The following PPP6R2 variants were observed in gnomAD, a reference collection of about 807,000 sequenced individuals.
The protein encoded by PPP6R2 is protein phosphatase 6 regulatory subunit 2.
A neutral mutation model predicts 100.2 loss-of-function variants in PPP6R2; 62 were observed. The observed-to-expected ratio is 0.62, with a 90% CI of 0.50 to 0.76. The LOEUF (loss-of-function observed/expected upper bound fraction) is 0.76. PPP6R2 is among the 30% of genes least tolerant of loss of function. PPP6R2 has a pLI of 0.00. For synonymous variants in PPP6R2, 525 were observed against 514.7 expected, an observed-to-expected ratio of 1.02 and a Z score of -0.27; for missense variants, 1,142 against 1,276.3, an observed-to-expected ratio of 0.89 and a Z score of 1.60.
chr22:50,419,035 G>A (rs1440996991), intron 7 of PPP6R2, 56 bp downstream of exon 7: 13 of 1,371,172 alleles, frequency 9.5e-6, no homozygotes, highest in Admixed American at 1.7e-5. Context: ...TCATGGGGAC[G>A]TCTGTGAGCC....
Position 50,422,975 on chromosome 22 carries a change from G to T in PPP6R2, c.973-487G>T, listed in dbSNP as rs144885278. Among the ~76,000 whole-genome samples the T allele has an allele frequency of 2.0e-5, 3 of 152,318 alleles. No homozygotes were observed. The East Asian group carries it at 5.8e-4, about 29-fold the overall frequency. On this transcript the variant is annotated intron_variant, in intron 9 of 23. Coordinates refer to ENST00000612753, the MANE Select transcript of PPP6R2 (RefSeq NM_001242898.2). ...AGTGAAGAGAAGGTAGGTGCAGTAG[G>T]CTGAGTGTGGGGGATCAGAAAAGAC...
At chr22:50,403,132 G>A (rs1169096423) in intron 3 of PPP6R2, among the ~76,000 whole-genome samples, 2 of 152,160 alleles carry the variant, frequency 1.3e-5, no homozygotes, top group South Asian at 2.1e-4. Context: ...ACGTGAACCC[G>A]GGAGGCGGAG....
intron 1 of PPP6R2, among the ~76,000 whole-genome samples, chr22:50,351,949 A>G (rs958674134): frequency 2.6e-5 from 4 of 152,160 alleles, no homozygotes; most frequent in African/African-American, 7.2e-5. Context: ...GCACACCACC[A>G]TGCCCAGCTA....
upstream of PPP6R2, among the ~76,000 whole-genome samples, chr22:50,339,606 G>A (rs986187417): frequency 2.6e-5 from 3 of 115,992 alleles, no homozygotes; most frequent in Non-Finnish European, 5.4e-5. Flanking sequence ...TGGTGTGTGC[G>A]GTGTGTGTGG....
At chr22:50,436,596 G>A in intron 14 of PPP6R2, 144 bp downstream of exon 14, 2 of 791,898 alleles carry the variant, frequency 2.5e-6, no homozygotes, top group Non-Finnish European at 4.2e-6. Context: ...CGGTGCCCCT[G>A]CATAGTGTGT....
In PPP6R2 at chr22:50,437,575, G is replaced by T. The variant is rs1221689607; in HGVS notation, c.1753G>T (p.Glu585Ter). 9 of 1,609,858 alleles carry T rather than the reference G, an allele frequency of 5.6e-6. No individual in the cohort carries two copies. The highest frequency in any genetic ancestry group is 7.6e-6 in the Non-Finnish European group (9 of 1,177,264). Reference protein sequence around the residue: ...FVDQFGFNDEEFADQDDNINA... With the variant: ...FVDQFGFNDE The stretch of plus-strand genomic sequence containing the variant: ...GGATCAGTTTGGCTTCAATGATGAG[G>T]AGTTTGCCGACCAGGACGACAACAT... Residue 585 changes from glutamate to a stop codon, truncating the protein, a stop_gained, in exon 16 of 24, where the codon GAG (glutamate) becomes TAG (stop). Transcript: ENST00000612753. LOFTEE classifies it high-confidence loss of function.
intron 1 of PPP6R2, among the ~76,000 whole-genome samples, chr22:50,348,685 G>A (rs944935024): frequency 2.0e-5 from 3 of 152,052 alleles, no homozygotes; most frequent in South Asian, 4.1e-4. Flanking sequence ...CTTACAGGAG[G>A]GTCTGGAACC....
intron 1 of PPP6R2, among the ~76,000 whole-genome samples, chr22:50,371,037 G>C (rs1015516668): frequency 6.6e-6 from 1 of 152,082 alleles, no homozygotes; most frequent in Non-Finnish European, 1.5e-5. Context: ...AGTGACAGTG[G>C]GTTCAAGAGC....
intron 1 of PPP6R2, among the ~76,000 whole-genome samples, chr22:50,369,942 T>C (rs1320551517): frequency 2.1e-5 from 3 of 144,272 alleles, no homozygotes; most frequent in African/African-American, 8.1e-5. Flanking sequence ...AGAGGCAAGG[T>C]CTCGCTGTGT....
At chr22:50,371,815 T>C (rs2050288948) in intron 1 of PPP6R2, among the ~76,000 whole-genome samples, 1 of 152,106 alleles carries the variant, frequency 6.6e-6, no homozygotes, top group Non-Finnish European at 1.5e-5. Context: ...TTTTGTATTT[T>C]TTGGTAGAAA....
chr22:50,354,868 C>CTTTTTTTTT (rs762678639), intron 1 of PPP6R2, among the ~76,000 whole-genome samples: 2 of 126,356 alleles, frequency 1.6e-5, no homozygotes, highest in Non-Finnish European at 1.7e-5. Context: ...CTGGATCAGC[C>CTTTTTTTTT]TTTTTTTTTT....
At chr22:50,368,027 C>T (rs1406551099) in intron 1 of PPP6R2, among the ~76,000 whole-genome samples, 2 of 152,164 alleles carry the variant, frequency 1.3e-5, no homozygotes, top group East Asian at 1.9e-4. Context: ...GTTTGGTAGC[C>T]GAGGCGGACA....
In PPP6R2 at chr22:50,423,699, C is replaced by T; in HGVS notation, c.1125+85C>T. On this transcript the variant is annotated intron_variant, in intron 10 of 23. Transcript: ENST00000612753. The surrounding 1 kb of genome is among the most constrained non-coding windows in gnomAD (Gnocchi z 4.8). Reference sequence around the variant, plus strand: ...ACTTGTCAGGAGCAGCAGAGCAGGGCCCCAGCATTTGGACAAAGCTCTGCC... The same window carrying T: ...ACTTGTCAGGAGCAGCAGAGCAGGGTCCCAGCATTTGGACAAAGCTCTGCC... 1 of 1,517,708 alleles carries T rather than the reference C, an allele frequency of 6.6e-7. No homozygotes were observed. Among genetic ancestry groups the T allele is most frequent in the Non-Finnish European group, 9.0e-7 (1 of 1,111,278 alleles). 94.0% of individuals were successfully genotyped at this position (1,517,708 alleles called of 1,614,324 possible). A position where few individuals can be genotyped will look rare whatever the true frequency, so the allele number is the denominator to read the frequency against.
intron 2 of PPP6R2, among the ~76,000 whole-genome samples, chr22:50,387,238 CT>C (rs1028267495): frequency 6.6e-6 from 1 of 151,898 alleles, no homozygotes; most frequent in African/African-American, 2.4e-5. Flanking sequence ...GTTTTTAAAA[CT>C]TTTTTTGTAG....
chr22:50,388,265 A>G (rs551928238), intron 2 of PPP6R2, among the ~76,000 whole-genome samples: 5 of 151,596 alleles, frequency 3.3e-5, no homozygotes, highest in Non-Finnish European at 7.4e-5. Flanking sequence ...GTGGTGGCGC[A>G]TGCCTGTAGT....
chr22:50,341,779 G>C (rs2042414325), upstream of PPP6R2, among the ~76,000 whole-genome samples: 2 of 152,286 alleles, frequency 1.3e-5, no homozygotes, highest in East Asian at 3.9e-4. Context: ...CGGATCACGA[G>C]GTCAGGAGAT....
At position 50,444,040 on chromosome 22, in the gene PPP6R2, G is replaced by A. The variant is rs200092795; in HGVS notation, c.2754G>A (p.Ala918=). Residue 918 remains alanine (A), a synonymous_variant, in exon 23 of 24, where the codon GCG becomes GCA. Transcript: ENST00000612753. ...TPAVSSALAV[A]VPLGPIMAVT... ...CAGTCTCTTCTGCACTGGCCGTGGC[G>A]GTCCCCCTAGGGCCCATCATGGCAG... The A allele has an allele frequency of 5.3e-5, 86 of 1,613,200 alleles. No individual in the cohort carries two copies. Among genetic ancestry groups the A allele is most frequent in the Admixed American group, 1.2e-4 (7 of 60,018 alleles).
At chr22:50,395,438 C>CCCGCAGT (rs1219169496) in intron 3 of PPP6R2, among the ~76,000 whole-genome samples, 1 of 152,176 alleles carries the variant, frequency 6.6e-6, no homozygotes, top group Non-Finnish European at 1.5e-5. Flanking sequence ...GCACACATGA[C>CCCGCAGT]CCGCAGTGTC....
chr22:50,367,592 A>G (rs553724043), intron 1 of PPP6R2, among the ~76,000 whole-genome samples: 6 of 152,274 alleles, frequency 3.9e-5, no homozygotes, highest in Admixed American at 3.3e-4. Flanking sequence ...GTAGAAAATG[A>G]AAAAGGGAGG....
Sources: gnomAD v4.1 joint callset for allele counts (sites outside exome capture counted in the v4.1 genomes callset) on GRCh38, gnomAD v4.1.1 for gene constraint, Gnocchi (gnomAD v3.1) non-coding constraint, MANE v1.5 for transcripts, NCBI Gene and HGNC (gene_info 2026-07-23, HGNC 2026-07-21) for gene names.